The following MALRD1 variants were observed in gnomAD, a reference collection of about 807,000 sequenced individuals.
MALRD1 encodes the protein MAM and LDL-receptor class A domain-containing protein 1.
In MALRD1, 247 loss-of-function variants were observed where a neutral mutation model predicts 242.1. The observed-to-expected ratio is 1.02, with a 90% CI of 0.92 to 1.13. The LOEUF (loss-of-function observed/expected upper bound fraction) is 1.13, where lower values mean the gene tolerates loss of function less well. Among genes scored for constraint, MALRD1 ranks in the 50% most tolerant of loss-of-function variants. The pLI is 0.00. For missense variants in MALRD1, 2,989 were observed against 2,533.1 expected (o/e 1.18, Z -3.86); for synonymous variants, 995 against 866.6 (o/e 1.15, Z -2.60).
chr10:19,567,661 G>A lies in MALRD1; in HGVS notation c.5638G>A (p.Ala1880Thr). Reference sequence around the variant, plus strand: ...GGATGGAAATGAGGACATCTTTATTGCTCTTGATGACATCTCTTTTACCCC... The same window carrying A: ...GGATGGAAATGAGGACATCTTTATTACTCTTGATGACATCTCTTTTACCCC... Reference protein sequence around the residue: ...DLDGNEDIFIALDDISFTPEC... With the variant: ...DLDGNEDIFITLDDISFTPEC... Residue 1880 changes from alanine to threonine, a missense_variant, in exon 33 of 40, where the codon GCT (alanine) becomes ACT (threonine). Ala to Thr is a moderately conservative substitution (Grantham distance 58). Coordinates refer to ENST00000454679, the MANE Select transcript of MALRD1 (RefSeq NM_001142308.3). 6.4e-7 allele frequency: 1 copy of A among 1,550,604 alleles called. No individual in the cohort carries two copies. The highest frequency in any genetic ancestry group is 1.4e-5 in the African/African-American group (1 of 73,110).
intron 18 of MALRD1, among the ~76,000 whole-genome samples, chr10:19,241,628 TG>T (rs1838777914): frequency 6.6e-6 from 1 of 152,120 alleles, no homozygotes; most frequent in African/African-American, 2.4e-5. Flanking sequence ...TCTAGTTACT[TG>T]AAGTGTATAA....
chr10:19,296,072 T>A (rs540099023), intron 21 of MALRD1, among the ~76,000 whole-genome samples: 1 of 152,050 alleles, frequency 6.6e-6, no homozygotes, highest in African/African-American at 2.4e-5. Context: ...ATCTTGATGG[T>A]GGACATGGTT....
intron 28 of MALRD1, among the ~76,000 whole-genome samples, chr10:19,418,816 T>A (rs970130617): frequency 2.6e-5 from 4 of 152,202 alleles, no homozygotes; most frequent in Admixed American, 1.3e-4. Context: ...ATTTTTTCTA[T>A]CCTTATAACC....
At chr10:19,200,486 G>C (rs1836469739) in intron 14 of MALRD1, among the ~76,000 whole-genome samples, 2 of 152,148 alleles carry the variant, frequency 1.3e-5, no homozygotes, top group South Asian at 4.1e-4. Flanking sequence ...CAAATTACCA[G>C]CTCAGACTTC....
intron 34 of MALRD1, among the ~76,000 whole-genome samples, chr10:19,604,312 C>A (rs537573995): frequency 6.6e-6 from 1 of 152,246 alleles, no homozygotes; most frequent in East Asian, 1.9e-4. Context: ...TAGATTGATA[C>A]CACTATTATT....
At chr10:19,707,786 TA>T (rs35967457) in intron 38 of MALRD1, among the ~76,000 whole-genome samples, 9,367 of 60,858 alleles carry the variant, frequency 0.15, 1,428 homozygotes, top group African/African-American at 0.22. Flanking sequence ...CCATCTGTAC[TA>T]AAAAAAAAAA....
intron 33 of MALRD1, among the ~76,000 whole-genome samples, chr10:19,573,393 G>T (rs1836655992): frequency 6.6e-6 from 1 of 152,182 alleles, no homozygotes. Flanking sequence ...GAGCCAGGTG[G>T]TGGCAGCAGC....
intron 29 of MALRD1, among the ~76,000 whole-genome samples, chr10:19,490,282 G>A (rs1837423887): frequency 6.6e-6 from 1 of 151,882 alleles, no homozygotes; most frequent in East Asian, 1.9e-4. Context: ...AGGTTGTGAT[G>A]TGCCACTGAA....
chr10:19,122,335 A>G (rs1403686183), intron 5 of MALRD1, among the ~76,000 whole-genome samples: 1 of 152,184 alleles, frequency 6.6e-6, no homozygotes, highest in African/African-American at 2.4e-5. Flanking sequence ...AGGAAACGTT[A>G]TCATCATTAG....
At chr10:19,116,602 G>A (rs16918253) in intron 5 of MALRD1, among the ~76,000 whole-genome samples, 1 of 152,000 alleles carries the variant, frequency 6.6e-6, no homozygotes, top group Non-Finnish European at 1.5e-5. Flanking sequence ...TGAGAGAGTC[G>A]GGACAATTTC....
intron 36 of MALRD1, among the ~76,000 whole-genome samples, chr10:19,617,348 T>C (rs903543975): frequency 1.3e-5 from 2 of 152,034 alleles, no homozygotes; most frequent in Non-Finnish European, 2.9e-5. Flanking sequence ...AGGAATTCAC[T>C]GCTAAGAAAG....
At chr10:19,088,335 C>T (rs903521506) in intron 4 of MALRD1, 150 bp downstream of exon 4, 4 of 670,682 alleles carry the variant, frequency 6.0e-6, no homozygotes, top group African/African-American at 5.6e-5. Flanking sequence ...GTGGACATCT[C>T]AGGCAATTTG....
chr10:19,587,911 GTT>G (rs11430007), intron 33 of MALRD1, among the ~76,000 whole-genome samples: 5 of 145,902 alleles, frequency 3.4e-5, no homozygotes, highest in African/African-American at 1.2e-4. Context: ...TATCCTAGGT[GTT>G]TTTTTTTTTT....
intron 38 of MALRD1, among the ~76,000 whole-genome samples, chr10:19,715,730 G>C (rs1300005188): frequency 6.6e-6 from 1 of 152,206 alleles, no homozygotes; most frequent in East Asian, 1.9e-4. Flanking sequence ...GTCGGCATCT[G>C]CTTATGGTGA....
intron 14 of MALRD1, among the ~76,000 whole-genome samples, chr10:19,203,515 T>C (rs1172821015): frequency 2.6e-5 from 4 of 152,220 alleles, no homozygotes; most frequent in African/African-American, 7.2e-5. Context: ...ATTTCTTAAA[T>C]TGAGAATTCT....
chr10:19,549,038 A>T (rs1835369511), intron 32 of MALRD1, among the ~76,000 whole-genome samples: 1 of 152,214 alleles, frequency 6.6e-6, no homozygotes, highest in African/African-American at 2.4e-5. Flanking sequence ...CTTAGTGCTA[A>T]TATGGAGAAG....
intron 38 of MALRD1, chr10:19,716,772 A>G (rs567954966): frequency 4.6e-5 from 7 of 152,260 alleles, no homozygotes; most frequent in Non-Finnish European, 5.9e-5. Context: ...TCACTGGTCT[A>G]TTTTTCACTT....
intron 29 of MALRD1, among the ~76,000 whole-genome samples, chr10:19,458,663 G>GATTGGCTA (rs1456117464): frequency 1.3e-5 from 2 of 152,124 alleles, no homozygotes; most frequent in African/African-American, 4.8e-5. Flanking sequence ...TGGCCAATGT[G>GATTGGCTA]CTGTGAGGAA....
intron 18 of MALRD1, among the ~76,000 whole-genome samples, chr10:19,250,946 C>A (rs1319018754): frequency 6.6e-6 from 1 of 151,680 alleles, no homozygotes; most frequent in Non-Finnish European, 1.5e-5. Context: ...TTTTTGATTT[C>A]TCTTTTAATA....
Sources: gnomAD v4.1 joint callset for allele counts (sites outside exome capture counted in the v4.1 genomes callset) on GRCh38, gnomAD v4.1.1 for gene constraint, MANE v1.5 for transcripts, NCBI Gene and HGNC (gene_info 2026-07-23, HGNC 2026-07-21) for gene names.